Variants in PCDHA4 observed in about 807,000 individuals in gnomAD.
PCDHA4 encodes protocadherin alpha 4, also known as protocadherin alpha-4.
Under a neutral mutation model 61.4 loss-of-function variants are expected in PCDHA4, and 49 were observed. The observed-to-expected ratio is 0.80, with a 90% CI of 0.63 to 1.01. PCDHA4 has a LOEUF of 1.01. PCDHA4 is among the 50% of genes least tolerant of loss of function. The pLI, the probability that PCDHA4 is intolerant of heterozygous loss-of-function variation, is 0.00. For synonymous variants in PCDHA4, 590 were observed against 550.3 expected (o/e 1.07, Z -1.01); for missense variants, 1,254 against 1,235.8 (o/e 1.01, Z -0.22).
rs2150357061 is a variant in PCDHA4, at chr5:140,843,307, G to C, written c.2385+33735G>C. On this transcript the variant is annotated intron_variant, in intron 1 of 3. Transcript: ENST00000530339. The stretch of plus-strand genomic sequence containing the variant: ...ATGGTGAACCTGCGCTGACCGCCAC[G>C]GCCACGGTTCTGGTGTCGCTGGTGG... 7 of 1,595,858 alleles carry C rather than the reference G, an allele frequency of 4.4e-6. 1 individual carries two copies. The highest frequency in any genetic ancestry group is 6.0e-6 in the Non-Finnish European group (7 of 1,165,566).
chr5:140,895,281 A>C (rs2064944456), intron 1 of PCDHA4, among the ~76,000 whole-genome samples: 1 of 152,118 alleles, frequency 6.6e-6, no homozygotes, highest in South Asian at 2.1e-4. Context: ...GGATAATTGA[A>C]TTAGGACCTT....
chr5:140,872,087 A>C (rs2053480826), intron 1 of PCDHA4, among the ~76,000 whole-genome samples: 2 of 152,304 alleles, frequency 1.3e-5, no homozygotes, highest in East Asian at 1.9e-4. Flanking sequence ...GTGCCACTGC[A>C]CTTAGTCCAT....
At chr5:140,914,065 C>CTCCA (rs2076587155) in intron 1 of PCDHA4, among the ~76,000 whole-genome samples, 1 of 152,106 alleles carries the variant, frequency 6.6e-6, no homozygotes. Flanking sequence ...GGATGAAATG[C>CTCCA]TCCATAACTA....
intron 1 of PCDHA4, chr5:140,876,400 T>G: frequency 1.2e-6 from 2 of 1,613,928 alleles, no homozygotes; most frequent in Non-Finnish European, 1.7e-6. Context: ...TGAACTGGAT[T>G]TTGAAGAGAA....
Position 140,846,415 on chromosome 5 carries a change from C to A in PCDHA4, c.2385+36843C>A, listed in dbSNP as rs1440795292. ...TTTGAGACGGAGTCTCGCTCTATCT[C>A]CCAGGCTGGAATGCAGTGGCGCAAT... On this transcript the variant is annotated intron_variant, in intron 1 of 3. Coordinates refer to ENST00000530339, the MANE Select transcript of PCDHA4 (RefSeq NM_018907.4). Among the ~76,000 whole-genome samples the A allele has an allele frequency of 3.7e-5, 5 of 135,678 alleles. 2 individuals carry two copies. Among genetic ancestry groups the A allele is most frequent in the Non-Finnish European group, 7.9e-5 (5 of 62,902 alleles). The allele number at this position is 135,678 out of a possible 152,430, so 89.0% of individuals were successfully genotyped here.
chr5:140,822,217 GA>G, intron 1 of PCDHA4: 1 of 1,614,270 alleles, frequency 6.2e-7, no homozygotes, highest in Non-Finnish European at 8.5e-7. Flanking sequence ...AAGAATGCCA[GA>G]TTCGCGGTTT....
intron 3 of PCDHA4, 42 bp downstream of exon 3, chr5:140,982,605 A>G: frequency 1.9e-6 from 3 of 1,605,520 alleles, no homozygotes; most frequent in Non-Finnish European, 2.6e-6. Flanking sequence ...GGTTTCTGGA[A>G]AGTGATCAGA....
intron 1 of PCDHA4, among the ~76,000 whole-genome samples, chr5:140,844,800 T>C (rs1779552388): frequency 6.7e-6 from 1 of 149,422 alleles, no homozygotes; most frequent in South Asian, 2.1e-4. Flanking sequence ...AACATTTTCT[T>C]TCTTTTATTT....
rs1582078645 is a variant in PCDHA4, at chr5:140,872,401, A to G, written c.2385+62829A>G. Among the ~76,000 whole-genome samples the G allele has an allele frequency of 2.0e-5, 3 of 152,246 alleles. No homozygotes were observed. In the East Asian group the frequency reaches 5.8e-4, roughly 29 times the overall value. ...CAGCTATTTGGGAGGCTGAGGCAGG[A>G]GAATTGCTTGAGCCCAAGAGTTCGA... On this transcript the variant is annotated intron_variant, in intron 1 of 3. Transcript: ENST00000530339.
chr5:140,928,409 C>A (rs782636217), intron 1 of PCDHA4: 2 of 1,613,912 alleles, frequency 1.2e-6, no homozygotes, highest in Non-Finnish European at 8.5e-7. Context: ...TCCAGTGGGG[C>A]CATCACTGCC....
intron 1 of PCDHA4, among the ~76,000 whole-genome samples, chr5:140,970,867 G>A (rs1207924606): frequency 6.6e-6 from 1 of 152,124 alleles, no homozygotes; most frequent in Non-Finnish European, 1.5e-5. Flanking sequence ...ATTCCTGATT[G>A]AGAGTAGATT....
chr5:140,964,087 G>T (rs2095809523), intron 1 of PCDHA4, among the ~76,000 whole-genome samples: 1 of 152,078 alleles, frequency 6.6e-6, no homozygotes, highest in African/African-American at 2.4e-5. Context: ...TTGTAGAAAG[G>T]GTAATTAACA....
chr5:140,841,675 T>C (rs2150320492), intron 1 of PCDHA4: 8 of 1,613,878 alleles, frequency 5.0e-6, no homozygotes, highest in East Asian at 2.2e-5. Context: ...AGGTTTTCCA[T>C]GTGGACGTGG....
At chr5:140,995,999 G>A (rs1489207802) in intron 3 of PCDHA4, among the ~76,000 whole-genome samples, 3 of 152,198 alleles carry the variant, frequency 2.0e-5, no homozygotes, top group Admixed American at 6.5e-5. Context: ...CAAAAATGTC[G>A]TCAGAACTAT....
intron 1 of PCDHA4, among the ~76,000 whole-genome samples, chr5:140,840,393 T>C (rs1266640597): frequency 6.6e-6 from 1 of 151,926 alleles, no homozygotes; most frequent in African/African-American, 2.4e-5. Flanking sequence ...GTTGCAGATA[T>C]GGAGTTAAGA....
chr5:140,961,071 G>T (rs1344860284), intron 1 of PCDHA4, among the ~76,000 whole-genome samples: 1 of 152,208 alleles, frequency 6.6e-6, no homozygotes, highest in Non-Finnish European at 1.5e-5. Flanking sequence ...GATATCTGGA[G>T]TATCAAGTAA....
intron 2 of PCDHA4, among the ~76,000 whole-genome samples, chr5:140,980,573 T>G (rs1040024915): frequency 6.6e-6 from 1 of 152,066 alleles, no homozygotes; most frequent in Non-Finnish European, 1.5e-5. Context: ...GAAGTTGCAG[T>G]GAGCCAAGAT....
At chr5:140,905,620 T>G (rs1417322136) in intron 1 of PCDHA4, among the ~76,000 whole-genome samples, 2 of 152,210 alleles carry the variant, frequency 1.3e-5, no homozygotes, top group African/African-American at 4.8e-5. Context: ...ATAGATTGCT[T>G]TTGACAGTAT....
intron 3 of PCDHA4, among the ~76,000 whole-genome samples, chr5:141,006,275 G>C (rs782763386): frequency 6.6e-6 from 1 of 151,772 alleles, no homozygotes; most frequent in Non-Finnish European, 1.5e-5. Flanking sequence ...GCAGTGGCAC[G>C]ATCTCAGCTC....
Sources: gnomAD v4.1 joint callset for allele counts (sites outside exome capture counted in the v4.1 genomes callset) on GRCh38, gnomAD v4.1.1 for gene constraint, MANE v1.5 for transcripts, NCBI Gene and HGNC (gene_info 2026-07-23, HGNC 2026-07-21) for gene names.